CNTN4: variants seen among roughly 807,000 people sequenced by gnomAD.
The protein encoded by CNTN4 is contactin-4.
A neutral mutation model predicts 122.5 loss-of-function variants in CNTN4; 77 were observed. The ratio of observed to expected loss-of-function variants is 0.63; its 90% CI spans 0.52 to 0.76. The LOEUF (loss-of-function observed/expected upper bound fraction) is 0.76, where lower values mean the gene tolerates loss of function less well. Ranked by LOEUF, CNTN4 falls within the 30% of genes least tolerant of loss-of-function variation. CNTN4 has a pLI of 0.00. For missense variants in CNTN4, 1,256 were observed against 1,259.1 expected (o/e 1.00, Z 0.04); for synonymous variants, 512 against 447.0 (o/e 1.15, Z -1.83).
chr3:2,977,483 G>C (rs1479810068), intron 13 of CNTN4, among the ~76,000 whole-genome samples: 1 of 151,872 alleles, frequency 6.6e-6, no homozygotes, highest in African/African-American at 2.4e-5. Flanking sequence ...CCCCCAAACT[G>C]TCTTTTATAC....
intron 6 of CNTN4, among the ~76,000 whole-genome samples, chr3:2,749,457 C>T (rs2089982334): frequency 1.3e-5 from 2 of 151,988 alleles, no homozygotes; most frequent in South Asian, 4.2e-4. Flanking sequence ...ACACTTTGCC[C>T]AGCTCATTTA....
intron 2 of CNTN4, among the ~76,000 whole-genome samples, chr3:2,212,571 A>G (rs1368880449): frequency 2.6e-5 from 4 of 151,990 alleles, no homozygotes; most frequent in Admixed American, 2.0e-4. Flanking sequence ...AAGGAAACCA[A>G]CCCCATGATG....
In CNTN4 at chr3:3,054,104, C is replaced by G. The variant is rs1039863872; in HGVS notation, c.2980+129C>G. The G allele has an allele frequency of 1.7e-5, 17 of 972,390 alleles. No individual in the cohort carries two copies. In the Admixed American group the frequency reaches 2.2e-4, roughly 13 times the overall value. The allele number at this position is 972,390 out of a possible 1,614,324, so 60.2% of individuals were successfully genotyped here. A position where few individuals can be genotyped will look rare whatever the true frequency, so the allele number is the denominator to read the frequency against. Reference sequence around the variant, plus strand: ...AAAATAGAAATGGAGAACACTACCCCCCTTCTCCAGATGTTTGCTGGCCAT... The same window carrying G: ...AAAATAGAAATGGAGAACACTACCCGCCTTCTCCAGATGTTTGCTGGCCAT... On this transcript the variant is annotated intron_variant, in intron 24 of 24. Coordinates refer to ENST00000418658, the MANE Select transcript of CNTN4 (RefSeq NM_175607.3).
chr3:2,462,178 C>T (rs996255567), intron 3 of CNTN4, among the ~76,000 whole-genome samples: 1 of 152,170 alleles, frequency 6.6e-6, no homozygotes, highest in Non-Finnish European at 1.5e-5. Context: ...CCATCAGTGG[C>T]ATCCAGCAAA....
At chr3:2,184,605 A>C (rs913273508) in intron 2 of CNTN4, among the ~76,000 whole-genome samples, 5 of 152,056 alleles carry the variant, frequency 3.3e-5, no homozygotes, top group Admixed American at 1.3e-4. Flanking sequence ...TTCTCAGGTG[A>C]AACAATATTA....
At chr3:2,337,163 C>T (rs1249910116) in intron 2 of CNTN4, among the ~76,000 whole-genome samples, 3 of 152,106 alleles carry the variant, frequency 2.0e-5, no homozygotes, top group African/African-American at 2.4e-5. Context: ...TGGCATTGCT[C>T]TTTGCTCCGT....
At chr3:3,038,803 C>T in intron 18 of CNTN4, 130 bp from the exon 19 acceptor site, 1 of 698,642 alleles carries the variant, frequency 1.4e-6, no homozygotes. Flanking sequence ...AATGCTGTTG[C>T]TGATCTCCAG....
intron 4 of CNTN4, among the ~76,000 whole-genome samples, chr3:2,703,928 G>C (rs1319163244): frequency 1.3e-5 from 2 of 152,064 alleles, no homozygotes; most frequent in African/African-American, 4.8e-5. Flanking sequence ...TTTGAGTCTA[G>C]AAAATCTCCA....
intron 3 of CNTN4, among the ~76,000 whole-genome samples, chr3:2,509,390 C>T (rs141282658): frequency 3.3e-5 from 5 of 152,276 alleles, no homozygotes; most frequent in African/African-American, 1.2e-4. Flanking sequence ...GGTTACCTTA[C>T]AGAAATTGGA....
At position 2,588,022 on chromosome 3, in the gene CNTN4, C is replaced by T. The variant is rs1056294873; in HGVS notation, c.55+16464C>T. Among the ~76,000 whole-genome samples, 20 of 152,022 alleles carry T rather than the reference C, an allele frequency of 1.3e-4. 1 individual carries two copies. Among genetic ancestry groups the T allele is most frequent in the African/African-American group, 4.8e-4 (20 of 41,474 alleles). On this transcript the variant is annotated intron_variant, in intron 4 of 24. Coordinates refer to ENST00000418658, the MANE Select transcript of CNTN4 (RefSeq NM_175607.3). ...CAAAATTTTATCATCTATTTTTGTC[C>T]AATCTCTACGCTCCCTGTATTATTA...
intron 6 of CNTN4, among the ~76,000 whole-genome samples, chr3:2,815,335 A>C (rs28478685): frequency 0.11 from 17,471 of 152,212 alleles, 1,434 homozygotes; most frequent in East Asian, 0.3. Flanking sequence ...TTCGTCATCT[A>C]TACATCTGAC....
intron 2 of CNTN4, among the ~76,000 whole-genome samples, chr3:2,117,444 G>A (rs1485391446): frequency 6.6e-6 from 1 of 152,110 alleles, no homozygotes; most frequent in Admixed American, 6.5e-5. Context: ...ATTTTTCTGG[G>A]AGCTTCATTA....
At chr3:2,306,930 G>A (rs2042730361) in intron 2 of CNTN4, among the ~76,000 whole-genome samples, 1 of 151,934 alleles carries the variant, frequency 6.6e-6, no homozygotes, top group South Asian at 2.1e-4. Context: ...CATTGCTAGT[G>A]TATAGAAATA....
intron 14 of CNTN4, among the ~76,000 whole-genome samples, chr3:3,005,060 T>C (rs1036700062): frequency 6.6e-6 from 1 of 152,252 alleles, no homozygotes; most frequent in African/African-American, 2.4e-5. Flanking sequence ...CAAATAGCTT[T>C]ATAGTCTTCT....
chr3:2,559,183 G>T (rs2078843926), intron 3 of CNTN4, among the ~76,000 whole-genome samples: 1 of 152,154 alleles, frequency 6.6e-6, no homozygotes. Context: ...AGGGAAAAAA[G>T]TCCCTTGACA....
At chr3:2,626,192 G>C (rs1016776713) in intron 4 of CNTN4, among the ~76,000 whole-genome samples, 2 of 152,088 alleles carry the variant, frequency 1.3e-5, no homozygotes, top group African/African-American at 4.8e-5. Flanking sequence ...ACATAGTTGA[G>C]CCCATTAAGT....
chr3:2,135,718 CT>C (rs1272204380), intron 2 of CNTN4, among the ~76,000 whole-genome samples: 1 of 152,150 alleles, frequency 6.6e-6, no homozygotes, highest in East Asian at 1.9e-4. Context: ...AATACACTCT[CT>C]CATTGTCTTC....
At chr3:2,656,691 A>G (rs2083604910) in intron 4 of CNTN4, among the ~76,000 whole-genome samples, 1 of 152,208 alleles carries the variant, frequency 6.6e-6, no homozygotes, top group Admixed American at 6.5e-5. Flanking sequence ...TAATTTTCTG[A>G]ATGTGTATGC....
chr3:3,047,277 C>CT (rs1700757146), intron 23 of CNTN4, among the ~76,000 whole-genome samples: 2 of 152,196 alleles, frequency 1.3e-5, no homozygotes, highest in South Asian at 4.2e-4. Flanking sequence ...CCAAGCAGAC[C>CT]TAATAGACAT....
Sources: gnomAD v4.1 joint callset for allele counts (sites outside exome capture counted in the v4.1 genomes callset) on GRCh38, gnomAD v4.1.1 for gene constraint, MANE v1.5 for transcripts, NCBI Gene and HGNC (gene_info 2026-07-23, HGNC 2026-07-21) for gene names.